The following DPF3 variants were observed in gnomAD, a reference collection of about 807,000 sequenced individuals.
The protein encoded by DPF3 is double PHD fingers 3, also known as zinc finger protein DPF3.
Under a neutral mutation model 56.8 loss-of-function variants are expected in DPF3, and 18 were observed. The ratio of observed to expected loss-of-function variants is 0.32; its 90% CI spans 0.22 to 0.47. The LOEUF is 0.47. Ranked by LOEUF, DPF3 falls within the 20% of genes least tolerant of loss-of-function variation. DPF3 has a pLI of 1.00. For missense variants in DPF3, 403 were observed against 488.8 expected, an observed-to-expected ratio of 0.82 and a Z score of 1.65; for synonymous variants, 188 against 180.2, an observed-to-expected ratio of 1.04 and a Z score of -0.35.
At chr14:72,812,826 C>T (rs1030437902) in intron 1 of DPF3, among the ~76,000 whole-genome samples, 1 of 152,162 alleles carries the variant, frequency 6.6e-6, no homozygotes, top group African/African-American at 2.4e-5. Context: ...CCCATGGTGA[C>T]CAAACAAAAG....
intron 7 of DPF3, among the ~76,000 whole-genome samples, chr14:72,681,975 G>A (rs1238326543): frequency 6.6e-6 from 1 of 152,224 alleles, no homozygotes; most frequent in African/African-American, 2.4e-5. Flanking sequence ...AGCACTTTGG[G>A]AGGCCAAGGC....
chr14:72,873,117 C>T (rs1444780149), intron 1 of DPF3, among the ~76,000 whole-genome samples: 2 of 152,166 alleles, frequency 1.3e-5, no homozygotes, highest in African/African-American at 4.8e-5. Flanking sequence ...AAAGAAACTA[C>T]CATCAGAGTG....
intron 9 of DPF3, among the ~76,000 whole-genome samples, chr14:72,623,584 G>C (rs910407997): frequency 3.9e-5 from 6 of 152,186 alleles, no homozygotes; most frequent in African/African-American, 9.7e-5. Context: ...GAGTAATTAT[G>C]TTGGTATTAT....
At chr14:72,664,322 AC>A (rs1886353853) in intron 8 of DPF3, among the ~76,000 whole-genome samples, 1 of 150,238 alleles carries the variant, frequency 6.7e-6, no homozygotes, top group South Asian at 2.1e-4. Context: ...TCAAATTTCC[AC>A]CCCGACCTCC....
intron 1 of DPF3, among the ~76,000 whole-genome samples, chr14:72,790,695 CCT>C (rs1297553283): frequency 6.6e-6 from 1 of 152,124 alleles, no homozygotes. Context: ...TGTCAGTCCC[CCT>C]GAGTCCATGA....
At chr14:72,877,639 A>G (rs1436531852) in intron 1 of DPF3, among the ~76,000 whole-genome samples, 1 of 152,218 alleles carries the variant, frequency 6.6e-6, no homozygotes, top group Non-Finnish European at 1.5e-5. Context: ...CAAGCCAGGC[A>G]GCCTCCATCT....
At chr14:72,660,551 G>A (rs901153302) in intron 8 of DPF3, among the ~76,000 whole-genome samples, 5 of 152,170 alleles carry the variant, frequency 3.3e-5, no homozygotes, top group South Asian at 4.1e-4. Context: ...TGCACCAACC[G>A]GCAGCTTGGG....
chr14:72,883,335 G>A (rs1886390071), intron 1 of DPF3, among the ~76,000 whole-genome samples: 1 of 152,040 alleles, frequency 6.6e-6, no homozygotes. Context: ...GTACGCACCT[G>A]TAGTCCCAGC....
chr14:72,673,988 T>C lies in DPF3; in HGVS notation c.871+252A>G, dbSNP rs181465987. 7 of 468,424 alleles carry C rather than the reference T, an allele frequency of 1.5e-5. No individual in the cohort carries two copies. In the Admixed American group the frequency reaches 1.9e-4, roughly 13 times the overall value. The allele number at this position is 468,424 out of a possible 1,614,324, so 29.0% of individuals were successfully genotyped here. ...CCGTAAAAACACGCACAAAGAAATA[T>C]GCACCTCATGGAAAGGCCAGACACA... On this transcript the variant is annotated intron_variant, in intron 8 of 10. Coordinates refer to ENST00000556509, the MANE Select transcript of DPF3 (RefSeq NM_001280542.3).
intron 6 of DPF3, among the ~76,000 whole-genome samples, chr14:72,700,063 T>C (rs572870255): frequency 5.3e-5 from 8 of 152,316 alleles, no homozygotes; most frequent in Admixed American, 1.3e-4. Flanking sequence ...GATTTCATCA[T>C]AGGGGCAAGA....
At chr14:72,864,234 G>A (rs76322163) in intron 1 of DPF3, among the ~76,000 whole-genome samples, 9,428 of 149,074 alleles carry the variant, frequency 0.063, 376 homozygotes, top group African/African-American at 0.1. Context: ...TTCTCCTCCC[G>A]ACAAATGCCT....
At chr14:72,769,879 C>G (rs1347871443) in intron 2 of DPF3, among the ~76,000 whole-genome samples, 1 of 151,946 alleles carries the variant, frequency 6.6e-6, no homozygotes, top group African/African-American at 2.4e-5. Flanking sequence ...AGGGAACCAA[C>G]TCATTATTTT....
chr14:72,884,182 G>A (rs1382392993), intron 1 of DPF3, among the ~76,000 whole-genome samples: 1 of 151,994 alleles, frequency 6.6e-6, no homozygotes, highest in African/African-American at 2.4e-5. Flanking sequence ...CTCAGGTCAG[G>A]GCTATGACCG....
intron 8 of DPF3, among the ~76,000 whole-genome samples, chr14:72,673,769 G>A (rs1006924573): frequency 2.0e-5 from 3 of 152,120 alleles, no homozygotes; most frequent in Admixed American, 6.5e-5. Flanking sequence ...CCAGGAGCCC[G>A]GGGATCTCTG....
intron 8 of DPF3, among the ~76,000 whole-genome samples, chr14:72,631,158 T>G (rs1233908423): frequency 3.3e-5 from 5 of 152,116 alleles, no homozygotes; most frequent in Admixed American, 6.5e-5. Context: ...AAATGACTTG[T>G]TGGTGGTGGG....
chr14:72,839,608 T>G (rs1884464250), intron 1 of DPF3, among the ~76,000 whole-genome samples: 1 of 152,186 alleles, frequency 6.6e-6, no homozygotes, highest in African/African-American at 2.4e-5. Context: ...CCCGTCTGCC[T>G]TTCACCTGTC....
chr14:72,693,649 G>A (rs1239842447), intron 6 of DPF3, among the ~76,000 whole-genome samples: 3 of 152,142 alleles, frequency 2.0e-5, no homozygotes, highest in Non-Finnish European at 4.4e-5. Context: ...AATTCAAAGG[G>A]CACTGGGAAT....
chr14:72,749,583 T>C (rs1045920633), intron 3 of DPF3, among the ~76,000 whole-genome samples: 2 of 152,206 alleles, frequency 1.3e-5, no homozygotes, highest in Non-Finnish European at 2.9e-5. Flanking sequence ...ATGGCTTGGC[T>C]CTGTGTCCCC....
At chr14:72,667,148 T>C (rs927973262) in intron 8 of DPF3, among the ~76,000 whole-genome samples, 1 of 152,200 alleles carries the variant, frequency 6.6e-6, no homozygotes, top group African/African-American at 2.4e-5. Flanking sequence ...TATTAAATTC[T>C]TCTCTCTAAA....
Sources: allele counts gnomAD v4.1 joint callset (sites outside exome capture counted in the v4.1 genomes callset), GRCh38; gene constraint gnomAD v4.1.1; transcripts MANE v1.5; gene names NCBI Gene and HGNC (gene_info 2026-07-23, HGNC 2026-07-21).